PIGG: variants seen among roughly 807,000 people sequenced by gnomAD.
The protein encoded by PIGG is phosphatidylinositol glycan anchor biosynthesis class G (EMM blood group).
Under a neutral mutation model 83.2 loss-of-function variants are expected in PIGG, and 70 were observed. The ratio of observed to expected loss-of-function variants is 0.84; its 90% CI spans 0.69 to 1.03. PIGG has a LOEUF of 1.03. PIGG is among the 50% of genes least tolerant of loss of function. The pLI is 0.00. For missense variants in PIGG, 1,257 were observed against 1,233.6 expected (o/e 1.02, Z -0.28); for synonymous variants, 532 against 519.5 (o/e 1.02, Z -0.33).
At position 528,708 on chromosome 4, in the gene PIGG, C is replaced by T. The variant is rs112108753; in HGVS notation, c.2261+1478C>T. The T allele has an allele frequency of 1.0e-6, 1 of 985,218 alleles. No individual in the cohort carries two copies. The highest frequency in any genetic ancestry group is 1.1e-4 in the East Asian group (1 of 8,832). 61.0% of individuals were successfully genotyped at this position (985,218 alleles called of 1,614,324 possible). A position where few individuals can be genotyped will look rare whatever the true frequency, so the allele number is the denominator to read the frequency against. On this transcript the variant is annotated intron_variant, in intron 10 of 12. Transcript: ENST00000453061. This position sits in a 1 kb window ranked among gnomAD's most constrained non-coding sequence, Gnocchi z 4.8. ...TTAAGGTGCAGCGTATGAATAAATT[C>T]ATTTCCTCACAGATCTATACACTGA...
At chr4:527,446 T>G (rs1306616785) in intron 10 of PIGG, 10 of 1,310,356 alleles carry the variant, frequency 7.6e-6, no homozygotes, top group Non-Finnish European at 8.7e-6. Context: ...TTAGCACTTT[T>G]TATGTTTTAT....
Position 533,990 on chromosome 4 carries a change from C to T in PIGG, c.2735+9C>T, listed in dbSNP as rs772492126. 1 of 1,613,562 alleles carries T rather than the reference C, an allele frequency of 6.2e-7. No homozygotes were observed. Among genetic ancestry groups the T allele is most frequent in the Non-Finnish European group, 8.5e-7 (1 of 1,179,542 alleles). On this transcript the variant is annotated intron_variant, in intron 12 of 12. Coordinates refer to ENST00000453061, the MANE Select transcript of PIGG (RefSeq NM_001127178.3). ...AGCTCAGAAACACGCAGGTGAGGCGCCTCTCTGCCGTCAGCACAGTTCTGG... is the reference window on the plus strand; with the variant it reads ...AGCTCAGAAACACGCAGGTGAGGCGTCTCTCTGCCGTCAGCACAGTTCTGG...
chr4:501,205 C>A, intron 2 of PIGG: 1 of 453,776 alleles, frequency 2.2e-6, no homozygotes, highest in Non-Finnish European at 4.4e-6. Flanking sequence ...AACTTTTGAG[C>A]AACGACTATG....
Position 499,325 on chromosome 4 carries a change from G to T in PIGG, c.-11G>T, listed in dbSNP as rs782651330. 38 of 1,605,472 alleles carry T rather than the reference G, an allele frequency of 2.4e-5. No individual in the cohort carries two copies. The highest frequency in any genetic ancestry group is 6.6e-5 in the South Asian group (6 of 90,844). ...TGGGGTCGGTTCCGCATCCAGCCTA[G>T]CGTGTCCACGATGCGGCTGGGCTCC... is the stretch of plus-strand genomic sequence containing the variant. On this transcript the variant is annotated 5_prime_UTR_variant, in exon 1 of 13. Coordinates refer to ENST00000453061, the MANE Select transcript of PIGG (RefSeq NM_001127178.3).
chr4:520,799 C>T (rs1050299447), intron 6 of PIGG, among the ~76,000 whole-genome samples: 14 of 152,216 alleles, frequency 9.2e-5, no homozygotes, highest in African/African-American at 3.4e-4. Context: ...TCAGTCACTG[C>T]CATCCGCGGG....
chr4:533,240 C>T (rs922530407), intron 11 of PIGG: 4 of 158,484 alleles, frequency 2.5e-5, no homozygotes, highest in African/African-American at 4.8e-5. Flanking sequence ...TGGTCTGATA[C>T]GTAAGCCAGA....
rs117905870 is a variant in PIGG, at chr4:527,945, G to A, written c.2261+715G>A. On this transcript the variant is annotated intron_variant, in intron 10 of 12. Coordinates refer to ENST00000453061, the MANE Select transcript of PIGG (RefSeq NM_001127178.3). ...CTCAAGAATATAAGCAGAGGCAGGA[G>A]CCTGGGATGGGACAGAGGCATGTCC... 7,202 of 985,368 alleles carry A rather than the reference G, an allele frequency of 7.3e-3. 44 individuals carry two copies. The highest frequency in any genetic ancestry group is 0.036 in the South Asian group (767 of 21,280). The allele number at this position is 985,368 out of a possible 1,614,324, so 61.0% of individuals were successfully genotyped here.
At chr4:499,566 T>C in intron 1 of PIGG, 77 bp downstream of exon 1, 1 of 1,464,958 alleles carries the variant, frequency 6.8e-7, no homozygotes, top group South Asian at 1.3e-5. Context: ...GCCTCGCTGC[T>C]CGGATTTCTT....
chr4:534,878 C>A (rs1353322837), intron 12 of PIGG, among the ~76,000 whole-genome samples: 1 of 151,924 alleles, frequency 6.6e-6, no homozygotes, highest in Non-Finnish European at 1.5e-5. Flanking sequence ...GACCCCAGAT[C>A]AAGGGCGCAG....
rs760567369 is a variant in PIGG at position 539,134 on chromosome 4, TTTTC to T, written c.2736-12_2736-9del. 7.5e-5 allele frequency: 114 copies of T among 1,528,888 alleles called. No homozygotes were observed. The highest frequency in any genetic ancestry group is 3.4e-4 in the East Asian group (15 of 44,430). The allele number at this position is 1,528,888 out of a possible 1,614,324, so 94.7% of individuals were successfully genotyped here. On this transcript the variant is annotated splice_polypyrimidine_tract_variant and intron_variant, in intron 12 of 12. Coordinates refer to ENST00000453061, the MANE Select transcript of PIGG (RefSeq NM_001127178.3). ...TGTAAGTGGCATGTGCTAATACACA[TTTTC>T]TTTCTTATTAACAGTGGTTCAGCAC...
At chr4:501,466 G>A (rs1174496739) in intron 2 of PIGG, 1 of 275,634 alleles carries the variant, frequency 3.6e-6, no homozygotes, top group Non-Finnish European at 7.2e-6. Context: ...GAGCAGAGGG[G>A]TTGAAGTGTG....
intron 6 of PIGG, 34 bp from the exon 7 acceptor site, chr4:521,022 G>T (rs1326069864): frequency 7.1e-7 from 1 of 1,404,426 alleles, no homozygotes; most frequent in Non-Finnish European, 1.0e-6. Flanking sequence ...CACGGTGTGT[G>T]TGCGCGCCTG....
intron 2 of PIGG, among the ~76,000 whole-genome samples, chr4:503,114 T>C (rs1718330793): frequency 6.6e-6 from 1 of 152,168 alleles, no homozygotes; most frequent in African/African-American, 2.4e-5. Flanking sequence ...TAAAGATTGA[T>C]GATCTCTACC....
At chr4:507,179 G>T (rs187726829) in intron 3 of PIGG, among the ~76,000 whole-genome samples, 4 of 152,222 alleles carry the variant, frequency 2.6e-5, no homozygotes, top group Non-Finnish European at 5.9e-5. Context: ...GCCTCAAGCA[G>T]TCTTCCCGCT....
At chr4:499,686 T>TA (rs782071659) in intron 1 of PIGG, 197 bp downstream of exon 1, 96 of 1,403,320 alleles carry the variant, frequency 6.8e-5, no homozygotes, top group Non-Finnish European at 8.8e-5. Flanking sequence ...CAACCACCTC[T>TA]ACTGGCCCCA....
chr4:520,705 AGGAG>A (rs753763081), intron 6 of PIGG, among the ~76,000 whole-genome samples: 25 of 152,272 alleles, frequency 1.6e-4, no homozygotes, highest in Non-Finnish European at 3.4e-4. Flanking sequence ...GTTGACAAGA[AGGAG>A]AGAGTGGAAA....
At chr4:537,210 G>C (rs1730875703) in intron 12 of PIGG, 1 of 152,194 alleles carries the variant, frequency 6.6e-6, no homozygotes, top group Non-Finnish European at 1.5e-5. Context: ...CTAAATTGTA[G>C]ACAGAGAAAA....
intron 12 of PIGG, among the ~76,000 whole-genome samples, chr4:538,446 A>C (rs1032491330): frequency 2.0e-5 from 3 of 152,102 alleles, no homozygotes; most frequent in African/African-American, 7.2e-5. Context: ...AAAGCTCAGA[A>C]CTTGTATTTA....
chr4:522,393 T>TGCATCCTGCCACCCCCAGAAA, intron 8 of PIGG: 1 of 272,444 alleles, frequency 3.7e-6, no homozygotes, highest in African/African-American at 2.1e-5. Context: ...ACCCCCAGAA[T>TGCATCCTGCCACCCCCAGAAA]GCATCCTGCC....
Sources: gnomAD v4.1 joint callset for allele counts (sites outside exome capture counted in the v4.1 genomes callset) on GRCh38, gnomAD v4.1.1 for gene constraint, Gnocchi (gnomAD v3.1) non-coding constraint, MANE v1.5 for transcripts, NCBI Gene and HGNC (gene_info 2026-07-23, HGNC 2026-07-21) for gene names.